Variants in CDH13 observed in about 807,000 individuals in gnomAD.
CDH13 encodes the protein cadherin-13.
In CDH13, 24 loss-of-function variants were observed where a neutral mutation model predicts 63.8. The observed-to-expected ratio is 0.38, with a 90% confidence interval of 0.27 to 0.53. The LOEUF is 0.53. Among genes scored for constraint, CDH13 ranks in the 20% least tolerant of loss-of-function variants. The pLI is 0.85. For synonymous variants in CDH13, 503 were observed against 355.3 expected (o/e 1.42, Z -4.67); for missense variants, 1,049 against 903.1 (o/e 1.16, Z -2.07).
chr16:82,641,228 GC>G (rs1326146162), intron 1 of CDH13, among the ~76,000 whole-genome samples: 7 of 152,196 alleles, frequency 4.6e-5, no homozygotes, highest in African/African-American at 1.7e-4. Flanking sequence ...GGTGACCCCT[GC>G]CGTCATTAAC....
At chr16:82,916,969 G>T (rs1205360779) in intron 2 of CDH13, among the ~76,000 whole-genome samples, 1 of 152,168 alleles carries the variant, frequency 6.6e-6, no homozygotes, top group African/African-American at 2.4e-5. Context: ...AACAGAGCTA[G>T]GATATTCCCG....
intron 1 of CDH13, among the ~76,000 whole-genome samples, chr16:82,701,991 G>A (rs1046545796): frequency 2.6e-5 from 4 of 152,262 alleles, no homozygotes; most frequent in African/African-American, 7.2e-5. Flanking sequence ...ATGAATAAGC[G>A]GCTTACAAAG....
At chr16:82,680,743 C>G (rs1292943545) in intron 1 of CDH13, among the ~76,000 whole-genome samples, 1 of 152,132 alleles carries the variant, frequency 6.6e-6, no homozygotes, top group East Asian at 1.9e-4. Context: ...ACTTTCCGTA[C>G]TTGAGGCCTA....
At chr16:83,582,300 G>A (rs1400102239) in intron 7 of CDH13, among the ~76,000 whole-genome samples, 1 of 151,920 alleles carries the variant, frequency 6.6e-6, no homozygotes, top group Non-Finnish European at 1.5e-5. Flanking sequence ...TTTCCATCAG[G>A]CCCATAAGAC....
At chr16:83,232,797 A>G (rs988620264) in intron 5 of CDH13, among the ~76,000 whole-genome samples, 4 of 152,154 alleles carry the variant, frequency 2.6e-5, no homozygotes, top group African/African-American at 9.7e-5. Context: ...TGCAAGAACA[A>G]CCTAACACAA....
intron 2 of CDH13, among the ~76,000 whole-genome samples, chr16:82,874,221 G>C (rs2040432398): frequency 6.6e-6 from 1 of 152,164 alleles, no homozygotes; most frequent in Non-Finnish European, 1.5e-5. Context: ...TGCCAAATGA[G>C]TTATAAAAAC....
intron 5 of CDH13, among the ~76,000 whole-genome samples, chr16:83,247,976 G>C (rs1186715528): frequency 2.0e-5 from 3 of 152,182 alleles, no homozygotes; most frequent in Non-Finnish European, 2.9e-5. Context: ...CTGAAGTCCA[G>C]GAAGCCCCAG....
At chr16:83,728,179 A>G (rs913234771) in intron 10 of CDH13, among the ~76,000 whole-genome samples, 2 of 152,072 alleles carry the variant, frequency 1.3e-5, no homozygotes, top group Non-Finnish European at 2.9e-5. Flanking sequence ...TCTGTCTCAG[A>G]GTCTATCCTC....
intron 6 of CDH13, among the ~76,000 whole-genome samples, chr16:83,421,726 C>T (rs940912676): frequency 1.3e-5 from 2 of 152,104 alleles, no homozygotes; most frequent in Admixed American, 6.5e-5. Flanking sequence ...TTGTTGTTAG[C>T]GTCCAGTAAG....
chr16:82,648,455 A>G (rs1910356747), intron 1 of CDH13, among the ~76,000 whole-genome samples: 2 of 152,242 alleles, frequency 1.3e-5, no homozygotes, highest in Non-Finnish European at 2.9e-5. Flanking sequence ...GCAGCTCAAT[A>G]GAATATTACA....
chr16:83,358,232 T>C (rs1184617952), intron 6 of CDH13, among the ~76,000 whole-genome samples: 1 of 152,128 alleles, frequency 6.6e-6, no homozygotes, highest in Non-Finnish European at 1.5e-5. Flanking sequence ...CAGGGGTCTA[T>C]GTTAGACTTC....
intron 5 of CDH13, among the ~76,000 whole-genome samples, chr16:83,230,514 G>A (rs781718837): frequency 2.0e-5 from 3 of 152,260 alleles, no homozygotes; most frequent in Non-Finnish European, 4.4e-5. Context: ...AGGCCGGCAC[G>A]GTGGCTCACA....
chr16:83,402,276 C>T (rs1385180677), intron 6 of CDH13, among the ~76,000 whole-genome samples: 2 of 152,176 alleles, frequency 1.3e-5, no homozygotes, highest in Non-Finnish European at 1.5e-5. Context: ...TAGTTTGCCA[C>T]CTGTCTCAGT....
At chr16:83,696,056 A>T (rs1441309119) in intron 10 of CDH13, among the ~76,000 whole-genome samples, 1 of 151,538 alleles carries the variant, frequency 6.6e-6, no homozygotes, top group Non-Finnish European at 1.5e-5. Context: ...TGCCCAGCTA[A>T]TTTTTCTATT....
At chr16:82,723,240 G>A (rs1015164366) in intron 1 of CDH13, 2 of 152,294 alleles carry the variant, frequency 1.3e-5, no homozygotes, top group African/African-American at 4.8e-5. Flanking sequence ...GTATGTAGGT[G>A]GCACTCTGTT....
chr16:83,383,553 G>A (rs188388228), intron 6 of CDH13, among the ~76,000 whole-genome samples: 1 of 152,182 alleles, frequency 6.6e-6, no homozygotes, highest in East Asian at 1.9e-4. Flanking sequence ...AAGGAAGACT[G>A]TTTCCTCTTC....
At chr16:83,487,276 ATTAG>A (rs1422558346) in intron 7 of CDH13, among the ~76,000 whole-genome samples, 1 of 152,152 alleles carries the variant, frequency 6.6e-6, no homozygotes, top group Non-Finnish European at 1.5e-5. Flanking sequence ...AGCTTTTAGA[ATTAG>A]TTGTCATATC....
At chr16:83,316,846 C>T (rs2090116432) in intron 5 of CDH13, among the ~76,000 whole-genome samples, 1 of 152,104 alleles carries the variant, frequency 6.6e-6, no homozygotes, top group Non-Finnish European at 1.5e-5. Flanking sequence ...TTGTCTTCCA[C>T]ATGTATGTTG....
At chr16:83,062,154 A>G (rs1006244273) in intron 3 of CDH13, among the ~76,000 whole-genome samples, 1 of 152,184 alleles carries the variant, frequency 6.6e-6, no homozygotes, top group Non-Finnish European at 1.5e-5. Context: ...TCTAGGAATA[A>G]TGATGTCAAA....
Sources: allele counts gnomAD v4.1 joint callset (sites outside exome capture counted in the v4.1 genomes callset), GRCh38; gene constraint gnomAD v4.1.1; transcripts MANE v1.5; gene names NCBI Gene and HGNC (gene_info 2026-07-23, HGNC 2026-07-21).